The following KANSL3 variants were observed in gnomAD, a reference collection of about 807,000 sequenced individuals.
The protein encoded by KANSL3 is KAT8 regulatory NSL complex subunit 3.
In KANSL3, 16 loss-of-function variants were observed where a neutral mutation model predicts 89.2. The observed-to-expected ratio is 0.18, with a 90% CI of 0.12 to 0.27. The LOEUF (loss-of-function observed/expected upper bound fraction) is 0.27. Among genes scored for constraint, KANSL3 ranks in the 10% least tolerant of loss-of-function variants. The pLI, the probability that KANSL3 is intolerant of heterozygous loss-of-function variation, is 1.00. For missense variants in KANSL3, 879 were observed against 1,110.6 expected, an observed-to-expected ratio of 0.79 and a Z score of 2.96; for synonymous variants, 385 against 419.7, an observed-to-expected ratio of 0.92 and a Z score of 1.01.
At chr2:96,613,118 C>A (rs1224773603) in intron 6 of KANSL3, among the ~76,000 whole-genome samples, 184 bp from the exon 7 acceptor site, 2 of 152,194 alleles carry the variant, frequency 1.3e-5, no homozygotes, top group African/African-American at 4.8e-5. Context: ...CTGGCTCACA[C>A]CTGCAATCCC....
At chr2:96,627,695 T>C (rs2072617865) in intron 3 of KANSL3, among the ~76,000 whole-genome samples, 1 of 152,186 alleles carries the variant, frequency 6.6e-6, no homozygotes, top group Admixed American at 6.5e-5. Context: ...GCTCTTGATG[T>C]GGCAAACTAA....
At chr2:96,606,587 C>CGCCG in intron 14 of KANSL3, 1 of 184,728 alleles carries the variant, frequency 5.4e-6, no homozygotes, top group Non-Finnish European at 1.1e-5. Context: ...GTTTCAGGTT[C>CGCCG]TATGCTGATA....
intron 12 of KANSL3, 103 bp downstream of exon 12, chr2:96,609,396 G>A: frequency 1.0e-6 from 1 of 968,058 alleles, no homozygotes; most frequent in Non-Finnish European, 1.6e-6. Context: ...AGAGGCCCCA[G>A]TGGAGGCCTT....
At chr2:96,627,560 AAG>A (rs2072586715) in intron 3 of KANSL3, among the ~76,000 whole-genome samples, 1 of 152,166 alleles carries the variant, frequency 6.6e-6, no homozygotes, top group Non-Finnish European at 1.5e-5. Flanking sequence ...GAAATCATTC[AAG>A]AGAGAGGAAA....
At chr2:96,611,035 C>T (rs747784491) in intron 10 of KANSL3, 29 bp downstream of exon 10, 1 of 1,610,252 alleles carries the variant, frequency 6.2e-7, no homozygotes, top group Non-Finnish European at 8.5e-7. Flanking sequence ...CTGCCAATGA[C>T]CCAGCACTCA....
Position 96,623,556 on chromosome 2 carries a change from G to A in KANSL3, c.387-3794C>T, listed in dbSNP as rs549354156. 2.2e-4 allele frequency among the ~76,000 whole-genome samples: 33 copies of A among 152,266 alleles called. No individual in the cohort carries two copies. In the South Asian group the frequency reaches 6.4e-3, roughly 30 times the overall value. On this transcript the variant is annotated intron_variant, in intron 3 of 20. Transcript: ENST00000431828. Reference sequence around the variant, plus strand: ...GATAGAGCAAATACCCTCTAGAAAGGAGGAAAACAATGGTCCAACTCCTTT... The same window carrying A: ...GATAGAGCAAATACCCTCTAGAAAGAAGGAAAACAATGGTCCAACTCCTTT...
At position 96,604,339 on chromosome 2, in the gene KANSL3, G is replaced by T. The variant is rs1187405406; in HGVS notation, c.2060C>A (p.Pro687His). 6.2e-7 allele frequency: 1 copy of T among 1,613,046 alleles called. No homozygotes were observed. The highest frequency in any genetic ancestry group is 2.2e-5 in the East Asian group (1 of 44,902). Residue 687 changes from proline (P) to histidine (H), a missense_variant, in exon 17 of 21, where the codon CCT becomes CAT. Around this residue, in one of 6 missense-constraint regions of KANSL3, gnomAD observed 317 missense variants for 311.2 expected, o/e 1.02. Coordinates refer to ENST00000431828, the MANE Select transcript of KANSL3 (RefSeq NM_001115016.3). ...SEGGVSASPV[P>H]SVVSSSTAPS... is the part of the protein sequence containing the mutation. ...TGCAGTGCTGCTGGAGACCACTGAA[G>T]GGACTGGGCTGGCTGAGACTCCACC...
At chr2:96,589,961 C>T (rs958331955), downstream of KANSL3, among the ~76,000 whole-genome samples, 4 of 150,190 alleles carry the variant, frequency 2.7e-5, no homozygotes, top group Admixed American at 1.3e-4. Flanking sequence ...CCAGCCTGGC[C>T]GACGTGGTGA....
At chr2:96,600,750 CAG>C in intron 20 of KANSL3, 1 of 985,428 alleles carries the variant, frequency 1.0e-6, no homozygotes, top group East Asian at 1.1e-4. Flanking sequence ...GAAAAGGTCA[CAG>C]GGGAAATTAG....
intron 5 of KANSL3, 48 bp downstream of exon 5, chr2:96,619,311 G>A (rs1558736318): frequency 1.3e-6 from 2 of 1,535,806 alleles, no homozygotes; most frequent in Non-Finnish European, 1.8e-6. Context: ...AACCCACAGG[G>A]GAGGATGGCT....
intron 20 of KANSL3, chr2:96,599,504 G>A (rs563555491): frequency 1.3e-5 from 2 of 152,170 alleles, no homozygotes; most frequent in South Asian, 4.1e-4. Context: ...GCTTTCTTAA[G>A]GCATAAAACT....
chr2:96,621,966 T>C (rs919409975), intron 3 of KANSL3, among the ~76,000 whole-genome samples: 2 of 151,194 alleles, frequency 1.3e-5, no homozygotes, highest in African/African-American at 2.4e-5. Context: ...ATACAAAACT[T>C]AGCCGGGTGT....
chr2:96,608,605 C>T lies in KANSL3; in HGVS notation c.1644G>A (p.Val548=), dbSNP rs1486471705. The part of the protein sequence containing the change: ...TSSPKTKVTT[V]TSAQKSSQIG... ...TCTGACTGGACTTCTGGGCAGAGGT[C>T]ACTGTGGTCACTTTGGTCTTGGGAC... Residue 548 remains valine (V), a synonymous_variant, in exon 14 of 21, where the codon GTG becomes GTA. Transcript: ENST00000431828. The T allele has an allele frequency of 6.2e-7, 1 of 1,614,018 alleles. No individual in the cohort carries two copies.
chr2:96,633,855 A>C (rs932356914), intron 2 of KANSL3, among the ~76,000 whole-genome samples: 12 of 152,050 alleles, frequency 7.9e-5, no homozygotes, highest in African/African-American at 2.9e-4. Flanking sequence ...ACAGAGCAAG[A>C]CTCCGTCTCA....
intron 2 of KANSL3, among the ~76,000 whole-genome samples, chr2:96,635,722 C>T (rs1432227536): frequency 6.6e-6 from 1 of 152,186 alleles, no homozygotes; most frequent in Non-Finnish European, 1.5e-5. Flanking sequence ...GGAGCGGTGG[C>T]TCATGCCTGT....
chr2:96,619,774 ACT>A lies in KANSL3; in HGVS notation c.387-14_387-13del, dbSNP rs1447473128. On this transcript the variant is annotated splice_polypyrimidine_tract_variant and intron_variant, in intron 3 of 20. Transcript: ENST00000431828. ...TTGTCCAGCCAGTCCTATAAGGGAA[ACT>A]CTGAGGAATTATAGTCAAACCCTGG... 1 of 1,549,076 alleles carries A rather than the reference ACT, an allele frequency of 6.5e-7. No individual in the cohort carries two copies. The highest frequency in any genetic ancestry group is 8.7e-7 in the Non-Finnish European group (1 of 1,144,294).
intron 5 of KANSL3, among the ~76,000 whole-genome samples, chr2:96,616,543 C>A (rs991512009): frequency 6.6e-6 from 1 of 152,174 alleles, no homozygotes; most frequent in Non-Finnish European, 1.5e-5. Flanking sequence ...CATCCACCTG[C>A]GCTTTCACAT....
At chr2:96,609,724 G>T (rs1248663428) in intron 11 of KANSL3, among the ~76,000 whole-genome samples, 162 bp from the exon 12 acceptor site, 1 of 152,050 alleles carries the variant, frequency 6.6e-6, no homozygotes, top group African/African-American at 2.4e-5. Flanking sequence ...CTGTTTCCGT[G>T]TCTGCAAAAT....
the KANSL3 span, among the ~76,000 whole-genome samples, chr2:96,583,070 G>C: frequency 5.3e-5 from 8 of 152,294 alleles, no homozygotes; most frequent in South Asian, 6.2e-4. Context: ...TGGACAGAAT[G>C]GTTACAGCAG....
Sources: gnomAD v4.1 joint callset for allele counts (sites outside exome capture counted in the v4.1 genomes callset) on GRCh38, gnomAD v4.1.1 for gene constraint, gnomAD v4.1.1 regional missense constraint, MANE v1.5 for transcripts, NCBI Gene and HGNC (gene_info 2026-07-23, HGNC 2026-07-21) for gene names.